WDR36: variants seen among roughly 807,000 people sequenced by gnomAD.
The protein encoded by WDR36 is WD repeat domain 36, also known as WD repeat-containing protein 36.
Under a neutral mutation model 112.7 loss-of-function variants are expected in WDR36, and 63 were observed. The ratio of observed to expected loss-of-function variants is 0.56; its 90% CI spans 0.46 to 0.69. The LOEUF (loss-of-function observed/expected upper bound fraction) is 0.69, where lower values mean the gene tolerates loss of function less well. Ranked by LOEUF, WDR36 falls within the 30% of genes least tolerant of loss-of-function variation. The pLI is 0.00. For synonymous variants in WDR36, 410 were observed against 362.2 expected, an observed-to-expected ratio of 1.13 and a Z score of -1.50; for missense variants, 1,226 against 1,070.3, an observed-to-expected ratio of 1.15 and a Z score of -2.03.
At position 111,128,411 on chromosome 5, in the gene WDR36, GTATTGACTTAT is replaced by G. The variant is rs574559308; in HGVS notation, c.*1531_*1541del. On this transcript the variant is annotated 3_prime_UTR_variant, in exon 23 of 23. Coordinates refer to ENST00000513710, the MANE Select transcript of WDR36 (RefSeq NM_139281.3). Reference sequence around the variant, plus strand: ...AATTTCGTTTTTCTTTTAGAAATGTGTATTGACTTATTAAAGCCACTGACAGAAATGTTAAT... The same window carrying G: ...AATTTCGTTTTTCTTTTAGAAATGTGTAAAGCCACTGACAGAAATGTTAAT... 2 of 182,426 alleles carry G rather than the reference GTATTGACTTAT, an allele frequency of 1.1e-5. No individual in the cohort carries two copies. Among genetic ancestry groups the G allele is most frequent in the African/African-American group, 2.3e-5 (1 of 42,568 alleles). 11.3% of individuals were successfully genotyped at this position (182,426 alleles called of 1,614,324 possible).
At chr5:111,094,662 A>G (rs959748957) in intron 1 of WDR36, among the ~76,000 whole-genome samples, 1 of 152,210 alleles carries the variant, frequency 6.6e-6, no homozygotes, top group Non-Finnish European at 1.5e-5. Flanking sequence ...GACCACATGC[A>G]TTGCCTGCAA....
chr5:111,100,535 A>C, intron 4 of WDR36, 54 bp from the exon 5 acceptor site: 1 of 1,246,886 alleles, frequency 8.0e-7, no homozygotes, highest in Non-Finnish European at 1.1e-6. Context: ...ATATGGTTAC[A>C]TAAAACATTT....
Position 111,094,454 on chromosome 5 carries a change from C to T in WDR36, c.163-466C>T, listed in dbSNP as rs548386181. Among the ~76,000 whole-genome samples the T allele has an allele frequency of 9.6e-4, 146 of 151,898 alleles. 3 individuals are homozygous for T. In the South Asian group the frequency reaches 0.028, roughly 29 times the overall value. ...TTGTTTTTGTATGACCCAGGAGTTACGAATGATTTTGACATGTTTAAATGT... is the reference window on the plus strand; with the variant it reads ...TTGTTTTTGTATGACCCAGGAGTTATGAATGATTTTGACATGTTTAAATGT... On this transcript the variant is annotated intron_variant, in intron 1 of 22. Transcript: ENST00000513710.
chr5:111,129,710 AATTG>A lies in WDR36; in HGVS notation c.*2831_*2834del, dbSNP rs1363380001. Reference sequence around the variant, plus strand: ...AATGTTTTATATTTGTATACAATCAAATTGATTAATTTTCATGACTTATTTCAGG... The same window carrying A: ...AATGTTTTATATTTGTATACAATCAAATTAATTTTCATGACTTATTTCAGG... On this transcript the variant is annotated 3_prime_UTR_variant, in exon 23 of 23. Coordinates refer to ENST00000513710, the MANE Select transcript of WDR36 (RefSeq NM_139281.3). 20 of 199,512 alleles carry A rather than the reference AATTG, an allele frequency of 1.0e-4. No individual in the cohort carries two copies. Among genetic ancestry groups the A allele is most frequent in the African/African-American group, 3.5e-4 (15 of 43,462 alleles). The allele number at this position is 199,512 out of a possible 1,614,324, so 12.4% of individuals were successfully genotyped here.
intron 6 of WDR36, 85 bp from the exon 7 acceptor site, chr5:111,103,701 T>A (rs1753165473): frequency 2.0e-6 from 3 of 1,535,274 alleles, no homozygotes; most frequent in Non-Finnish European, 2.7e-6. Context: ...TTTCTTTTGA[T>A]AACACCTAAT....
chr5:111,104,674 C>A lies in WDR36; in HGVS notation c.907-23C>A, dbSNP rs1313637489. 2.5e-6 allele frequency: 4 copies of A among 1,610,522 alleles called. No homozygotes were observed. In the East Asian group the frequency reaches 8.9e-5, roughly 36 times the overall value. On this transcript the variant is annotated intron_variant, in intron 8 of 22. Transcript: ENST00000513710. ...GATCAGATGGAACATTGTAGAAGAA[C>A]TGACGTTTTTATTTCTTGGCAGATA...
rs145768538 is a variant in WDR36 at position 111,129,519 on chromosome 5, A to G, written c.*2636A>G. The G allele has an allele frequency of 1.0e-5, 2 of 196,790 alleles. No individual in the cohort carries two copies. Among genetic ancestry groups the G allele is most frequent in the Admixed American group, 6.1e-5 (1 of 16,514 alleles). 12.2% of individuals were successfully genotyped at this position (196,790 alleles called of 1,614,324 possible). On this transcript the variant is annotated 3_prime_UTR_variant, in exon 23 of 23. Coordinates refer to ENST00000513710, the MANE Select transcript of WDR36 (RefSeq NM_139281.3). ...TATGTTTATTTTAGAACATATAAAC[A>G]TTTGTTAATTTTCTTTTTCCTCTCA...
intron 5 of WDR36, 44 bp from the exon 6 acceptor site, chr5:111,102,301 C>CAA (rs35339070): frequency 0.014 from 18,249 of 1,313,836 alleles, no homozygotes; most frequent in Middle Eastern, 0.021. Flanking sequence ...TGTTTTCCTC[C>CAA]AAAAAAAAAA....
At chr5:111,102,465 T>A (rs1753140787) in intron 6 of WDR36, 66 bp downstream of exon 6, 2 of 1,480,904 alleles carry the variant, frequency 1.4e-6, no homozygotes, top group Non-Finnish European at 1.9e-6. Context: ...GTTTCAGGAA[T>A]CAATCATAAT....
chr5:111,110,573 C>A (rs1258962962), intron 13 of WDR36, among the ~76,000 whole-genome samples: 1 of 151,280 alleles, frequency 6.6e-6, no homozygotes, highest in Non-Finnish European at 1.5e-5. Flanking sequence ...ACTTTTCAAA[C>A]CTATGTTGTA....
At chr5:111,107,145 CTT>C (rs1366556993) in intron 11 of WDR36, 147 bp from the exon 12 acceptor site, 5 of 899,348 alleles carry the variant, frequency 5.6e-6, no homozygotes, top group Admixed American at 2.6e-5. Context: ...AAAATAATCT[CTT>C]GTTAGATTGG....
rs1262227771 is a variant in WDR36 at position 111,092,609 on chromosome 5, C to T, written c.153C>T (p.His51=). The T allele has an allele frequency of 6.2e-7, 1 of 1,613,362 alleles. No homozygotes were observed. Among genetic ancestry groups the T allele is most frequent in the East Asian group, 2.2e-5 (1 of 44,886 alleles). Residue 51 remains histidine, a synonymous_variant, in exon 1 of 23, where the codon CAC becomes CAT. Transcript: ENST00000513710. ...CAACCTGCGTGGGCAAGAGTTTCCA[C>T]ACCTATGACGTGAGTGACTTCTTTT... The part of the protein sequence containing the change: ...YVTTCVGKSF[H]TYDVQKLSLV...
chr5:111,111,962 G>A (rs1056882522), intron 15 of WDR36, among the ~76,000 whole-genome samples: 7 of 151,792 alleles, frequency 4.6e-5, no homozygotes, highest in South Asian at 2.1e-4. Flanking sequence ...ACTTAGTGAC[G>A]AACCCAACAG....
At chr5:111,099,375 TTCA>T (rs1287749814) in intron 4 of WDR36, among the ~76,000 whole-genome samples, 3 of 151,804 alleles carry the variant, frequency 2.0e-5, no homozygotes, top group African/African-American at 7.2e-5. Flanking sequence ...AAATACTGGG[TTCA>T]TCATGAATTG....
In WDR36 at chr5:111,125,815, G is replaced by A. The variant is rs775894033; in HGVS notation, c.2538+20G>A. On this transcript the variant is annotated intron_variant, in intron 22 of 22. Coordinates refer to ENST00000513710, the MANE Select transcript of WDR36 (RefSeq NM_139281.3). ...CTAAAGGTAAGTCTAATGTAAGACAGTACTGCCCAGCTTGTCTTCTTCTGG... is the reference window on the plus strand; with the variant it reads ...CTAAAGGTAAGTCTAATGTAAGACAATACTGCCCAGCTTGTCTTCTTCTGG... 1.2e-6 allele frequency: 2 copies of A among 1,613,064 alleles called. No individual in the cohort carries two copies. The highest frequency in any genetic ancestry group is 1.1e-5 in the South Asian group (1 of 91,054).
At chr5:111,107,483 C>G in intron 12 of WDR36, 44 bp downstream of exon 12, 1 of 1,602,252 alleles carries the variant, frequency 6.2e-7, no homozygotes, top group Non-Finnish European at 8.5e-7. Flanking sequence ...TTAAAACTTT[C>G]CTATGGAAAT....
At chr5:111,103,391 T>C (rs1246599185) in intron 6 of WDR36, among the ~76,000 whole-genome samples, 1 of 151,810 alleles carries the variant, frequency 6.6e-6, no homozygotes. Flanking sequence ...ATTGGTTACA[T>C]GTTGCCACAC....
intron 12 of WDR36, 149 bp from the exon 13 acceptor site, chr5:111,110,040 A>G: frequency 1.5e-6 from 1 of 650,074 alleles, no homozygotes; most frequent in Admixed American, 2.5e-5. Context: ...AAATATAATT[A>G]CTTTATGTTA....
chr5:111,111,257 C>G lies in WDR36; in HGVS notation c.1695C>G (p.His565Gln), dbSNP rs752542992. The change falls in exon 15 of 23, where the codon CAC (histidine) becomes CAG (glutamine). Residue 565 changes from histidine (H) to glutamine (Q), a missense_variant. By Grantham distance (24) the His-to-Gln change is conservative. Coordinates refer to ENST00000513710, the MANE Select transcript of WDR36 (RefSeq NM_139281.3). The stretch of plus-strand genomic sequence containing the variant: ...AGATTGTCAGAGAGTTTTCTGGACA[C>G]CAAGGCCAAATAAATGACATGGTAA... ...TRKIVREFSG[H>Q]QGQINDMAFS... is the part of the protein sequence containing the mutation. 6.2e-7 allele frequency: 1 copy of G among 1,611,138 alleles called. No individual in the cohort carries two copies. The highest frequency in any genetic ancestry group is 8.5e-7 in the Non-Finnish European group (1 of 1,177,880).
Sources: allele counts gnomAD v4.1 joint callset (sites outside exome capture counted in the v4.1 genomes callset), GRCh38; gene constraint gnomAD v4.1.1; transcripts MANE v1.5; gene names NCBI Gene and HGNC (gene_info 2026-07-23, HGNC 2026-07-21).